TAF1: variants seen among roughly 807,000 people sequenced by gnomAD.
TAF1 encodes TATA-box binding protein associated factor 1.
In TAF1, 2 loss-of-function variants were observed where a neutral mutation model predicts 138.5. The ratio of observed to expected loss-of-function variants is 0.01; its 90% CI spans 0.01 to 0.05. The LOEUF (loss-of-function observed/expected upper bound fraction) is 0.05, where lower values mean the gene tolerates loss of function less well. TAF1 is among the 10% of genes least tolerant of loss of function. The pLI, the probability that TAF1 is intolerant of heterozygous loss-of-function variation, is 1.00. For missense variants in TAF1, 709 were observed against 1,478.0 expected (o/e 0.48, Z 8.53); for synonymous variants, 437 against 503.2 (o/e 0.87, Z 1.76).
chrX:71,369,782 T>G, intron 3 of TAF1, among the ~76,000 whole-genome samples: 1 of 108,235 alleles, frequency 9.2e-6, no homozygotes, highest in Non-Finnish European at 1.9e-5. Context: ...ATTTTTTTTT[T>G]TTTTGTATTT....
chrX:71,498,797 G>A (rs2039443095), intron 13 of TAF1, among the ~76,000 whole-genome samples: 1 of 111,749 alleles, frequency 8.9e-6, no homozygotes, highest in Non-Finnish European at 1.9e-5. Context: ...TGAGAAAGGA[G>A]TGTGAAAAGA....
intron 3 of TAF1, among the ~76,000 whole-genome samples, chrX:71,370,375 C>G (rs1602434113): frequency 1.8e-5 from 2 of 111,183 alleles, no homozygotes; most frequent in Non-Finnish European, 3.8e-5. Context: ...CTGACAGAGT[C>G]TCTCTCTGTC....
intron 26 of TAF1, 21 bp downstream of exon 26, chrX:71,406,767 C>T: frequency 8.6e-7 from 1 of 1,164,460 alleles, no homozygotes; most frequent in Non-Finnish European, 1.2e-6. Context: ...GCATTGCTTC[C>T]TTCTGATTAG....
intron 3 of TAF1, among the ~76,000 whole-genome samples, chrX:71,369,895 G>C (rs1336121359): frequency 9.2e-6 from 1 of 108,857 alleles, no homozygotes; most frequent in Non-Finnish European, 1.9e-5. Flanking sequence ...TTACAGGCAT[G>C]AGCCACCGTG....
intron 13 of TAF1, among the ~76,000 whole-genome samples, chrX:71,509,135 A>G (rs1004209652): frequency 1.8e-5 from 2 of 111,652 alleles, no homozygotes; most frequent in Non-Finnish European, 3.8e-5. Flanking sequence ...AAAACAAAAA[A>G]TTCAAACTAG....
intron 13 of TAF1, among the ~76,000 whole-genome samples, chrX:71,497,649 C>T (rs886918110): frequency 4.5e-5 from 5 of 111,317 alleles, no homozygotes; most frequent in Admixed American, 2.9e-4. Flanking sequence ...CTCTCTGTGA[C>T]GTATAAAGAG....
At chrX:71,409,186 CTGTT>C (rs1480724373) in intron 28 of TAF1, among the ~76,000 whole-genome samples, 5 of 110,310 alleles carry the variant, frequency 4.5e-5, no homozygotes, top group Non-Finnish European at 7.6e-5. Context: ...AGGAAGAAAT[CTGTT>C]TGTCTTTTTT....
chrX:71,461,743 A>G (rs1236734898), intron 37 of TAF1, among the ~76,000 whole-genome samples: 1 of 112,076 alleles, frequency 8.9e-6, no homozygotes, highest in Non-Finnish European at 1.9e-5. Flanking sequence ...CAACTAAGAT[A>G]TGGTCCCTTC....
chrX:71,440,750 C>T (rs1026160716), intron 32 of TAF1, among the ~76,000 whole-genome samples: 7 of 111,250 alleles, frequency 6.3e-5, no homozygotes, highest in African/African-American at 2.0e-4. Flanking sequence ...AAAATTTTAG[C>T]TGTTCTTCTA....
intron 1 of TAF1, among the ~76,000 whole-genome samples, chrX:71,367,032 C>T (rs1380593861): frequency 1.8e-5 from 2 of 112,000 alleles, no homozygotes; most frequent in East Asian, 5.6e-4. Context: ...AAATAGTGTC[C>T]TGCGCCCTAG....
intron 32 of TAF1, among the ~76,000 whole-genome samples, chrX:71,433,990 G>A (rs1269755256): frequency 8.9e-6 from 1 of 111,911 alleles, no homozygotes; most frequent in Non-Finnish European, 1.9e-5. Flanking sequence ...CTACTATCAG[G>A]CGATATACAC....
rs2034644776 is a variant in TAF1 at position 71,393,007 on chromosome X, G to A, written c.3051+13G>A. ...GCCTGAGGAAGAGGTGAGTGTGGAA[G>A]TGGAAAATTTAGAGTATACTAGGGG... On this transcript the variant is annotated intron_variant, in intron 20 of 37. Coordinates refer to ENST00000423759, the MANE Select transcript of TAF1 (RefSeq NM_004606.5). 5 of 1,208,975 alleles carry A rather than the reference G, an allele frequency of 4.1e-6. No homozygotes were observed. Among genetic ancestry groups the A allele is most frequent in the Non-Finnish European group, 5.6e-6 (5 of 894,998 alleles).
At chrX:71,369,605 C>CTTTT (rs762612709) in intron 3 of TAF1, among the ~76,000 whole-genome samples, 6 of 92,197 alleles carry the variant, frequency 6.5e-5, no homozygotes, top group Admixed American at 4.8e-4. Flanking sequence ...CAGTGTGTTT[C>CTTTT]TTTTTTTTTT....
rs1293864384 is a variant in TAF1, at chrX:71,387,076, A to G, written c.2227-185A>G. ...TTTTCTCCCCTACTGACTCTGAAAG[A>G]TAGTGGATGAAAAATTGTTTAGTCA... On this transcript the variant is annotated intron_variant, in intron 14 of 37. Coordinates refer to ENST00000423759, the MANE Select transcript of TAF1 (RefSeq NM_004606.5). 8.7e-6 allele frequency: 4 copies of G among 459,602 alleles called. No homozygotes were observed. The African/African-American group carries it at 9.8e-5, about 11-fold the overall frequency. The allele number at this position is 459,602 out of a possible 1,213,427, so 37.9% of individuals were successfully genotyped here. A position where few individuals can be genotyped will look rare whatever the true frequency, so the allele number is the denominator to read the frequency against.
chrX:71,411,319 C>T (rs189726164), intron 28 of TAF1, among the ~76,000 whole-genome samples: 55 of 111,264 alleles, frequency 4.9e-4, no homozygotes, highest in Middle Eastern at 9.3e-3. Flanking sequence ...TGGCCTCAAG[C>T]GATTCACTGA....
chrX:71,474,059 C>T (rs184153147), intron 13 of TAF1, among the ~76,000 whole-genome samples: 68 of 110,623 alleles, frequency 6.1e-4, no homozygotes, highest in African/African-American at 2.0e-3. Flanking sequence ...GTATGAGAAT[C>T]GCTTGAAACC....
chrX:71,480,703 GTAATA>G (rs774318280), intron 13 of TAF1, among the ~76,000 whole-genome samples: 32 of 111,707 alleles, frequency 2.9e-4, no homozygotes, highest in African/African-American at 1.0e-3. Flanking sequence ...GAACACTAAA[GTAATA>G]TAATGGTATA....
chrX:71,517,123 T>C (rs1381192303), intron 13 of TAF1, among the ~76,000 whole-genome samples: 1 of 110,286 alleles, frequency 9.1e-6, no homozygotes, highest in Non-Finnish European at 1.9e-5. Context: ...CATTGCTGAC[T>C]TCGAAGAGGG....
intron 32 of TAF1, among the ~76,000 whole-genome samples, chrX:71,430,509 CATT>C (rs1002821475): frequency 9.0e-6 from 1 of 111,138 alleles, no homozygotes; most frequent in Non-Finnish European, 1.9e-5. Context: ...ACTCAAATTG[CATT>C]ATTGAGAACC....
Sources: gnomAD v4.1 joint callset for allele counts (sites outside exome capture counted in the v4.1 genomes callset) on GRCh38, gnomAD v4.1.1 for gene constraint, MANE v1.5 for transcripts, NCBI Gene and HGNC (gene_info 2026-07-23, HGNC 2026-07-21) for gene names.